THRB: variants seen among roughly 807,000 people sequenced by gnomAD.
The protein encoded by THRB is thyroid hormone receptor beta.
THRB carries 12 observed loss-of-function variants against 47.8 expected under a neutral mutation model. The observed-to-expected ratio is 0.25, with a 90% CI of 0.16 to 0.41. THRB has a LOEUF of 0.41. Among genes scored for constraint, THRB ranks in the 10% least tolerant of loss-of-function variants. The pLI, the probability that THRB is intolerant of heterozygous loss-of-function variation, is 1.00. For missense variants in THRB, 348 were observed against 589.2 expected, an observed-to-expected ratio of 0.59 and a Z score of 4.24; for synonymous variants, 218 against 212.2, an observed-to-expected ratio of 1.03 and a Z score of -0.24.
intron 1 of THRB, among the ~76,000 whole-genome samples, chr3:24,346,057 G>A (rs1577011432): frequency 6.6e-6 from 1 of 151,998 alleles, no homozygotes; most frequent in East Asian, 1.9e-4. Context: ...ATGGGAGCTT[G>A]GAAACACAGG....
chr3:24,219,745 T>C (rs1384664176), intron 4 of THRB, among the ~76,000 whole-genome samples: 1 of 152,240 alleles, frequency 6.6e-6, no homozygotes. Flanking sequence ...ATTCTCAAAC[T>C]TCTGTGTGCA....
At chr3:24,292,894 T>C (rs2056079388) in intron 3 of THRB, among the ~76,000 whole-genome samples, 1 of 152,144 alleles carries the variant, frequency 6.6e-6, no homozygotes, top group Non-Finnish European at 1.5e-5. Context: ...TAAACTACAC[T>C]GAGGCATTTC....
At chr3:24,215,882 G>A (rs1458037784) in intron 4 of THRB, among the ~76,000 whole-genome samples, 1 of 152,174 alleles carries the variant, frequency 6.6e-6, no homozygotes, top group South Asian at 2.1e-4. Flanking sequence ...GAGGTAGATG[G>A]GGATGTAAGA....
intron 1 of THRB, among the ~76,000 whole-genome samples, chr3:24,345,268 C>T (rs1329531629): frequency 2.6e-5 from 4 of 152,104 alleles, no homozygotes; most frequent in Non-Finnish European, 4.4e-5. Flanking sequence ...CCTCCTACCC[C>T]TTTAAACAAG....
intron 1 of THRB, among the ~76,000 whole-genome samples, chr3:24,445,660 C>T (rs372081784): frequency 9.9e-5 from 15 of 152,082 alleles, no homozygotes; most frequent in African/African-American, 3.4e-4. Flanking sequence ...GAAATAGTCA[C>T]GACACAGAGA....
At chr3:24,184,221 A>G (rs146980467) in intron 5 of THRB, among the ~76,000 whole-genome samples, 1 of 152,250 alleles carries the variant, frequency 6.6e-6, no homozygotes, top group Non-Finnish European at 1.5e-5. Context: ...TTATTGGAAC[A>G]TTCCCCAGTG....
At chr3:24,384,378 T>C (rs2065929906) in intron 1 of THRB, among the ~76,000 whole-genome samples, 1 of 152,156 alleles carries the variant, frequency 6.6e-6, no homozygotes, top group Non-Finnish European at 1.5e-5. Flanking sequence ...CTGTTACAAC[T>C]TTAAGAACTT....
chr3:24,427,023 G>T (rs904024212), intron 1 of THRB, among the ~76,000 whole-genome samples: 4 of 151,754 alleles, frequency 2.6e-5, no homozygotes, highest in African/African-American at 9.7e-5. Flanking sequence ...GCTAGCTGAG[G>T]GATTCAAACT....
chr3:24,259,619 C>CTTTTT lies in THRB; in HGVS notation c.-42-30619_-42-30618insAAAAA, dbSNP rs1559757815. ...ACAAAGTGGGAATTAGCTCTGCTTA[C>CTTTTT]CTTTTTTTTTTTTTTTTTTTTTTTA... On this transcript the variant is annotated intron_variant, in intron 3 of 10. Coordinates refer to ENST00000646209, the MANE Select transcript of THRB (RefSeq NM_001354712.2). Among the ~76,000 whole-genome samples, 378 of 52,404 alleles carry CTTTTT rather than the reference C, an allele frequency of 7.2e-3. 1 individual carries two copies. The highest frequency in any genetic ancestry group is 0.026 in the African/African-American group (370 of 14,454). The allele number at this position is 52,404 out of a possible 152,430, so 34.4% of individuals were successfully genotyped here.
chr3:24,397,739 C>T (rs996352004), intron 1 of THRB, among the ~76,000 whole-genome samples: 7 of 151,916 alleles, frequency 4.6e-5, no homozygotes, highest in African/African-American at 1.7e-4. Flanking sequence ...CCTGCCACCA[C>T]ACCTGGCTAA....
At chr3:24,328,608 C>G (rs927189431) in intron 2 of THRB, among the ~76,000 whole-genome samples, 1 of 152,162 alleles carries the variant, frequency 6.6e-6, no homozygotes, top group African/African-American at 2.4e-5. Flanking sequence ...TTCTATCAAT[C>G]CCCATGTTTC....
At position 24,479,170 on chromosome 3, in the gene THRB, T is replaced by C. The variant is rs370882340; in HGVS notation, c.-261+15482A>G. On this transcript the variant is annotated intron_variant, in intron 1 of 10. Coordinates refer to ENST00000646209, the MANE Select transcript of THRB (RefSeq NM_001354712.2). ...AAAAAAAATTTGCCTGGCGTGGTGG[T>C]GGGCGCCTGTAGTCCCAGCTACTCG... 7.3e-3 allele frequency among the ~76,000 whole-genome samples: 1,105 copies of C among 151,396 alleles called. 7 individuals are homozygous for C. Among genetic ancestry groups the C allele is most frequent in the Admixed American group, 0.012 (180 of 15,216 alleles).
chr3:24,356,917 T>C (rs1478604474), intron 1 of THRB, among the ~76,000 whole-genome samples: 3 of 152,004 alleles, frequency 2.0e-5, no homozygotes, highest in African/African-American at 7.2e-5. Context: ...TGATTGCCAG[T>C]CATGAGAACT....
At chr3:24,300,527 A>G (rs992876934) in intron 2 of THRB, among the ~76,000 whole-genome samples, 1 of 152,178 alleles carries the variant, frequency 6.6e-6, no homozygotes, top group African/African-American at 2.4e-5. Context: ...AGAATCTTGC[A>G]TATCAATGCT....
At chr3:24,156,528 T>C (rs2037866161) in intron 5 of THRB, among the ~76,000 whole-genome samples, 1 of 152,226 alleles carries the variant, frequency 6.6e-6, no homozygotes, top group Non-Finnish European at 1.5e-5. Flanking sequence ...TCTTATCATC[T>C]GTATAAGACC....
At chr3:24,172,574 G>C (rs1008660767) in intron 5 of THRB, among the ~76,000 whole-genome samples, 3 of 151,940 alleles carry the variant, frequency 2.0e-5, no homozygotes, top group Non-Finnish European at 4.4e-5. Context: ...GTTCACAATC[G>C]ATCACCAAGC....
intron 1 of THRB, among the ~76,000 whole-genome samples, chr3:24,377,117 T>C (rs2065350506): frequency 6.6e-6 from 1 of 152,118 alleles, no homozygotes; most frequent in Non-Finnish European, 1.5e-5. Context: ...TATTTTTTAT[T>C]TTAATTTTTG....
chr3:24,299,789 A>T (rs13074376), intron 2 of THRB, among the ~76,000 whole-genome samples: 42,389 of 67,286 alleles, frequency 0.63, 11,774 homozygotes, highest in African/African-American at 0.73. Context: ...TTATTTATTT[A>T]TTTTTTTTTT....
chr3:24,472,737 G>C (rs1398832175), intron 1 of THRB, among the ~76,000 whole-genome samples: 1 of 152,144 alleles, frequency 6.6e-6, no homozygotes, highest in Non-Finnish European at 1.5e-5. Context: ...AGTAATAATG[G>C]AAGGGAACAC....
Sources: gnomAD v4.1 joint callset for allele counts (sites outside exome capture counted in the v4.1 genomes callset) on GRCh38, gnomAD v4.1.1 for gene constraint, MANE v1.5 for transcripts, NCBI Gene and HGNC (gene_info 2026-07-23, HGNC 2026-07-21) for gene names.